The following CCSER1 variants were observed in gnomAD, a reference collection of about 807,000 sequenced individuals.
CCSER1 encodes the protein coiled-coil serine rich protein 1, also known as serine-rich coiled-coil domain-containing protein 1.
CCSER1 carries 41 observed loss-of-function variants against 82.0 expected under a neutral mutation model. The ratio of observed to expected loss-of-function variants is 0.50; its 90% CI spans 0.39 to 0.65. The LOEUF (loss-of-function observed/expected upper bound fraction) is 0.65. Among genes scored for constraint, CCSER1 ranks in the 30% least tolerant of loss-of-function variants. The probability of loss-of-function intolerance (pLI) is 0.00; values close to 1 mark genes in which losing one functional copy is unlikely to be tolerated. For synonymous variants in CCSER1, 414 were observed against 383.9 expected (o/e 1.08, Z -0.92); for missense variants, 1,119 against 1,064.2 (o/e 1.05, Z -0.72).
chr4:90,660,982 G>A (rs1191932223), intron 6 of CCSER1, among the ~76,000 whole-genome samples: 2 of 152,074 alleles, frequency 1.3e-5, no homozygotes, highest in Non-Finnish European at 2.9e-5. Flanking sequence ...GGTAAAAGGT[G>A]TTATTGTTGC....
Position 90,804,827 on chromosome 4 carries a change from G to A in CCSER1, c.2011-10935G>A, listed in dbSNP as rs562743086. ...TCTGAGTATGTGGCTGTAACTTTCC[G>A]GATTTATAAAATAGAAGTACAGGAA... On this transcript the variant is annotated intron_variant, in intron 7 of 10. Coordinates refer to ENST00000509176, the MANE Select transcript of CCSER1 (RefSeq NM_001145065.2). 1.1e-4 allele frequency among the ~76,000 whole-genome samples: 17 copies of A among 152,068 alleles called. No homozygotes were observed. The South Asian group carries it at 1.9e-3, about 17-fold the overall frequency.
intron 4 of CCSER1, among the ~76,000 whole-genome samples, chr4:90,434,774 T>C (rs567382173): frequency 2.0e-5 from 3 of 152,182 alleles, no homozygotes; most frequent in South Asian, 2.1e-4. Flanking sequence ...TTATTAGTAG[T>C]TGGGGATTTG....
At chr4:90,145,307 A>G (rs1452305523) in intron 1 of CCSER1, among the ~76,000 whole-genome samples, 4 of 152,202 alleles carry the variant, frequency 2.6e-5, no homozygotes, top group Non-Finnish European at 4.4e-5. Context: ...GGAATGCCAC[A>G]TAATCAAAAT....
intron 5 of CCSER1, among the ~76,000 whole-genome samples, chr4:90,589,890 A>G (rs1782487417): frequency 6.6e-6 from 1 of 152,218 alleles, no homozygotes; most frequent in South Asian, 2.1e-4. Context: ...TATTTTCCTT[A>G]TTTTGAAAAA....
At chr4:90,941,606 G>C (rs555825711) in intron 9 of CCSER1, among the ~76,000 whole-genome samples, 1 of 152,142 alleles carries the variant, frequency 6.6e-6, no homozygotes, top group South Asian at 2.1e-4. Flanking sequence ...GTTGTATTTT[G>C]AGCTTACTTC....
intron 3 of CCSER1, among the ~76,000 whole-genome samples, chr4:90,374,796 A>C (rs1042070599): frequency 6.6e-6 from 1 of 152,132 alleles, no homozygotes; most frequent in African/African-American, 2.4e-5. Flanking sequence ...GGACCTTGCA[A>C]CTAATCATTG....
At chr4:90,184,878 CAG>C (rs1345000229) in intron 1 of CCSER1, among the ~76,000 whole-genome samples, 1 of 152,034 alleles carries the variant, frequency 6.6e-6, no homozygotes, top group Non-Finnish European at 1.5e-5. Context: ...CCTGAAATGA[CAG>C]TGACTGCTGC....
intron 9 of CCSER1, among the ~76,000 whole-genome samples, chr4:91,057,297 G>C (rs11729972): frequency 0.25 from 37,894 of 151,950 alleles, 5,975 homozygotes; most frequent in African/African-American, 0.45. Context: ...GAAGTAAAAG[G>C]CTTCAGTACA....
chr4:90,870,114 A>C (rs999838754), intron 8 of CCSER1, among the ~76,000 whole-genome samples: 2 of 151,890 alleles, frequency 1.3e-5, no homozygotes, highest in African/African-American at 4.8e-5. Context: ...GGATTTTTCA[A>C]ATATAAGATC....
chr4:90,641,912 G>C (rs536183411), intron 6 of CCSER1: 26 of 320,380 alleles, frequency 8.1e-5, no homozygotes, highest in Middle Eastern at 8.0e-4. Context: ...CCACTAATGT[G>C]GTTTTATTAT....
At position 90,400,026 on chromosome 4, in the gene CCSER1, T is replaced by G. The variant is rs1171259868; in HGVS notation, c.1510-10T>G. On this transcript the variant is annotated splice_polypyrimidine_tract_variant and intron_variant, in intron 3 of 10. Transcript: ENST00000509176. Reference sequence around the variant, plus strand: ...TTGGTTTCTAATTGTTGGTTTTGATTTTTCTTCAGGATGTTTTGAATAATT... The same window carrying G: ...TTGGTTTCTAATTGTTGGTTTTGATGTTTCTTCAGGATGTTTTGAATAATT... 1 of 1,558,090 alleles carries G rather than the reference T, an allele frequency of 6.4e-7. No individual in the cohort carries two copies. Among genetic ancestry groups the G allele is most frequent in the Non-Finnish European group, 8.8e-7 (1 of 1,131,658 alleles).
At chr4:90,843,910 C>G (rs535968855) in intron 8 of CCSER1, among the ~76,000 whole-genome samples, 3 of 151,942 alleles carry the variant, frequency 2.0e-5, no homozygotes, top group Non-Finnish European at 4.4e-5. Flanking sequence ...TACTTAGTCA[C>G]TAGAAGCTTA....
intron 4 of CCSER1, among the ~76,000 whole-genome samples, chr4:90,432,433 A>G (rs943443573): frequency 6.6e-6 from 1 of 152,164 alleles, no homozygotes; most frequent in Non-Finnish European, 1.5e-5. Context: ...CTAGTTACTT[A>G]ACGACATTGT....
At chr4:90,131,993 A>C (rs1207999486) in intron 1 of CCSER1, among the ~76,000 whole-genome samples, 3 of 152,236 alleles carry the variant, frequency 2.0e-5, no homozygotes, top group Non-Finnish European at 4.4e-5. Flanking sequence ...TGGTGACAGT[A>C]AAGAAATTGC....
At chr4:90,346,249 GCAAAATGTGAT>G (rs988167802) in intron 3 of CCSER1, among the ~76,000 whole-genome samples, 4 of 151,876 alleles carry the variant, frequency 2.6e-5, no homozygotes, top group African/African-American at 9.7e-5. Context: ...ATATAAATAG[GCAAAATGTGAT>G]CAAAACAATA....
chr4:91,310,699 C>CT (rs1175315773), intron 10 of CCSER1, among the ~76,000 whole-genome samples: 1 of 151,852 alleles, frequency 6.6e-6, no homozygotes, highest in Non-Finnish European at 1.5e-5. Flanking sequence ...GCCATGAACC[C>CT]TTTTTTCCAT....
intron 10 of CCSER1, among the ~76,000 whole-genome samples, chr4:91,230,361 C>T (rs2149114156): frequency 6.6e-6 from 1 of 152,104 alleles, no homozygotes; most frequent in Non-Finnish European, 1.5e-5. Flanking sequence ...CCTTCCTTTA[C>T]AATCAAAATA....
At chr4:91,529,716 C>T (rs562769491) in intron 10 of CCSER1, among the ~76,000 whole-genome samples, 48 of 151,368 alleles carry the variant, frequency 3.2e-4, no homozygotes, top group Admixed American at 1.9e-3. Flanking sequence ...CTAAGCTATT[C>T]TCTTCCCTTC....
chr4:90,617,414 G>A (rs1380221615), intron 5 of CCSER1, among the ~76,000 whole-genome samples: 1 of 152,092 alleles, frequency 6.6e-6, no homozygotes, highest in East Asian at 1.9e-4. Context: ...TGCTGCTTGT[G>A]TAAAAGAAAA....
Sources: allele counts gnomAD v4.1 joint callset (sites outside exome capture counted in the v4.1 genomes callset), GRCh38; gene constraint gnomAD v4.1.1; transcripts MANE v1.5; gene names NCBI Gene and HGNC (gene_info 2026-07-23, HGNC 2026-07-21).